GABRG3: variants seen among roughly 807,000 people sequenced by gnomAD.
GABRG3 encodes gamma-aminobutyric acid type A receptor subunit gamma3.
A neutral mutation model predicts 48.8 loss-of-function variants in GABRG3; 25 were observed. That is an observed-to-expected ratio of 0.51 (90% CI 0.37 to 0.72). The LOEUF (loss-of-function observed/expected upper bound fraction) is 0.72. GABRG3 is among the 30% of genes least tolerant of loss of function. The pLI is 0.00. For synonymous variants in GABRG3, 227 were observed against 217.6 expected (o/e 1.04, Z -0.38); for missense variants, 394 against 577.9 (o/e 0.68, Z 3.26).
At position 27,534,658 on chromosome 15, in the gene GABRG3, C is replaced by A. The variant is rs1483817812; in HGVS notation, c.*1777C>A. 2.0e-5 allele frequency: 3 copies of A among 152,188 alleles called. No individual in the cohort carries two copies. The highest frequency in any genetic ancestry group is 7.2e-5 in the African/African-American group (3 of 41,444). 9.4% of individuals were successfully genotyped at this position (152,188 alleles called of 1,614,324 possible). ...TTGCAGAGAAAGTATAGAAAAGTAT[C>A]AATTTCACACAATGTCCTGGATGTA... On this transcript the variant is annotated 3_prime_UTR_variant, in exon 10 of 10. Transcript: ENST00000615808.
In GABRG3 at chr15:27,008,293, G is replaced by A. The variant is rs577754888; in HGVS notation, c.203-18461G>A. On this transcript the variant is annotated intron_variant, in intron 2 of 9. Transcript: ENST00000615808. ...TTAGTTTATACTGTTAATCTGGAAG[G>A]TTAAACATGAGCCCACGTGGCTAAA... Among the ~76,000 whole-genome samples the A allele has an allele frequency of 7.5e-4, 114 of 152,262 alleles. 1 individual carries two copies. Among genetic ancestry groups the A allele is most frequent in the Non-Finnish European group, 1.3e-3 (87 of 68,012 alleles).
At chr15:27,030,179 A>G (rs1297308895) in intron 3 of GABRG3, among the ~76,000 whole-genome samples, 4 of 152,194 alleles carry the variant, frequency 2.6e-5, no homozygotes, top group African/African-American at 7.2e-5. Flanking sequence ...GTAAATTTGT[A>G]TTGGGGGTTT....
chr15:27,308,153 C>T (rs1595663839), intron 3 of GABRG3, among the ~76,000 whole-genome samples: 1 of 83,170 alleles, frequency 1.2e-5, no homozygotes, highest in Non-Finnish European at 2.6e-5. Context: ...TACATCCAAA[C>T]ATATATAAAC....
rs1282353038 is a variant in GABRG3 at position 27,157,277 on chromosome 15, C to T, written c.270+130456C>T. 2.6e-5 allele frequency among the ~76,000 whole-genome samples: 4 copies of T among 152,122 alleles called. No homozygotes were observed. The East Asian group carries it at 7.7e-4, about 29-fold the overall frequency. On this transcript the variant is annotated intron_variant, in intron 3 of 9. Transcript: ENST00000615808. ...AAGATTTATCTAGCGTTAAACAAAT[C>T]CTTAGGGCACTGGAGTTTTATTCCC...
At chr15:27,523,495 A>G (rs563332555) in intron 7 of GABRG3, among the ~76,000 whole-genome samples, 3 of 151,990 alleles carry the variant, frequency 2.0e-5, no homozygotes, top group South Asian at 2.1e-4. Flanking sequence ...CCAGGATACA[A>G]TAAAATATCA....
intron 3 of GABRG3, among the ~76,000 whole-genome samples, chr15:27,281,725 C>T (rs1891440353): frequency 6.6e-6 from 1 of 151,374 alleles, no homozygotes; most frequent in African/African-American, 2.4e-5. Flanking sequence ...TAAATATATC[C>T]TCTACATACA....
chr15:27,095,396 T>C (rs1897253271), intron 3 of GABRG3, among the ~76,000 whole-genome samples: 1 of 152,198 alleles, frequency 6.6e-6, no homozygotes, highest in Admixed American at 6.5e-5. Context: ...ACACCCCATA[T>C]ACTTTCTTGC....
chr15:27,372,173 A>G (rs1335874978), intron 5 of GABRG3, among the ~76,000 whole-genome samples: 1 of 152,178 alleles, frequency 6.6e-6, no homozygotes, highest in Non-Finnish European at 1.5e-5. Context: ...ATATATATAT[A>G]TCACTATTAT....
At chr15:27,388,232 A>G (rs868503808) in intron 5 of GABRG3, among the ~76,000 whole-genome samples, 340 of 18,690 alleles carry the variant, frequency 0.018, 6 homozygotes, top group South Asian at 0.027. Context: ...AAGGAAAGGG[A>G]GGAGGGAGGG....
rs145980206 is a variant in GABRG3 at position 27,337,055 on chromosome 15, C to A, written c.574+8167C>A. Among the ~76,000 whole-genome samples the A allele has an allele frequency of 9.4e-4, 143 of 152,258 alleles. No homozygotes were observed. In the East Asian group the frequency reaches 0.025, roughly 27 times the overall value. On this transcript the variant is annotated intron_variant, in intron 5 of 9. Coordinates refer to ENST00000615808, the MANE Select transcript of GABRG3 (RefSeq NM_033223.5). ...TAGAAAAGCATCTTGTGTTCTTGAACTGAAATACTAAATATTATTAAAATG... is the reference window on the plus strand; with the variant it reads ...TAGAAAAGCATCTTGTGTTCTTGAAATGAAATACTAAATATTATTAAAATG...
intron 3 of GABRG3, among the ~76,000 whole-genome samples, chr15:27,068,473 G>T (rs1896775932): frequency 6.6e-6 from 1 of 152,244 alleles, no homozygotes; most frequent in African/African-American, 2.4e-5. Context: ...CGGTCTGGCT[G>T]CAGGTGTCTG....
intron 3 of GABRG3, among the ~76,000 whole-genome samples, chr15:27,303,693 GTA>G (rs145230893): frequency 6.7e-6 from 1 of 149,948 alleles, no homozygotes; most frequent in Admixed American, 6.7e-5. Context: ...TCATGGATGT[GTA>G]TATATATATA....
chr15:27,352,125 TATG>T lies in GABRG3; in HGVS notation c.574+23241_574+23243del, dbSNP rs1015258109. On this transcript the variant is annotated intron_variant, in intron 5 of 9. Coordinates refer to ENST00000615808, the MANE Select transcript of GABRG3 (RefSeq NM_033223.5). The surrounding 1 kb of genome is among the most constrained non-coding windows in gnomAD (Gnocchi z 4.0). ...TGTGTATGTATGGTGTGTGTGTATG[TATG>T]ATGTGTGTATTGTGTGTTTGTGTAT... Among the ~76,000 whole-genome samples the T allele has an allele frequency of 8.0e-5, 12 of 150,792 alleles. No individual in the cohort carries two copies. Among genetic ancestry groups the T allele is most frequent in the African/African-American group, 2.7e-4 (11 of 40,912 alleles).
At chr15:27,176,222 T>G (rs1262515393) in intron 3 of GABRG3, among the ~76,000 whole-genome samples, 1 of 152,218 alleles carries the variant, frequency 6.6e-6, no homozygotes, top group Non-Finnish European at 1.5e-5. Flanking sequence ...CTTAAACCAC[T>G]CATCCCTTTT....
chr15:27,285,994 T>A (rs1891598694), intron 3 of GABRG3, among the ~76,000 whole-genome samples: 1 of 152,194 alleles, frequency 6.6e-6, no homozygotes, highest in East Asian at 1.9e-4. Context: ...ATTTGATGAA[T>A]TAATTAGGTT....
intron 5 of GABRG3, among the ~76,000 whole-genome samples, chr15:27,438,100 A>G (rs1888673072): frequency 6.6e-6 from 1 of 152,160 alleles, no homozygotes; most frequent in African/African-American, 2.4e-5. Flanking sequence ...TATCCAAAAG[A>G]TATCAGAAGC....
chr15:27,367,709 A>T (rs906845641), intron 5 of GABRG3, among the ~76,000 whole-genome samples: 1 of 152,194 alleles, frequency 6.6e-6, no homozygotes, highest in African/African-American at 2.4e-5. Flanking sequence ...TGACTTTTCT[A>T]AACTTTATAT....
chr15:27,308,937 T>TATAATGTAAACATGTTTATATGAAAACAC (rs1566775408), intron 3 of GABRG3, among the ~76,000 whole-genome samples: 8 of 144,956 alleles, frequency 5.5e-5, no homozygotes, highest in African/African-American at 1.4e-4. Context: ...TGAAAACACA[T>TATAATGTAAACATGTTTATATGAAAACAC]ATAATGTAAA....
At chr15:27,515,082 T>C (rs79500367) in intron 6 of GABRG3, among the ~76,000 whole-genome samples, 3,170 of 149,160 alleles carry the variant, frequency 0.021, 65 homozygotes, top group East Asian at 0.098. Context: ...TAATGTTTCT[T>C]AATTTTTTTG....
Sources: allele counts gnomAD v4.1 joint callset (sites outside exome capture counted in the v4.1 genomes callset), GRCh38; gene constraint gnomAD v4.1.1; non-coding constraint Gnocchi (gnomAD v3.1); transcripts MANE v1.5; gene names NCBI Gene and HGNC (gene_info 2026-07-23, HGNC 2026-07-21).